Variants in WWOX observed in about 807,000 individuals in gnomAD.
WWOX encodes WW domain containing oxidoreductase.
Under a neutral mutation model 46.2 loss-of-function variants are expected in WWOX, and 69 were observed. That is an observed-to-expected ratio of 1.49 (90% CI 1.23 to 1.82). The LOEUF is 1.82. Among genes scored for constraint, WWOX ranks in the 40% most tolerant of loss-of-function variants. The pLI is 0.00. For missense variants in WWOX, 919 were observed against 542.6 expected (o/e 1.69, Z -6.89); for synonymous variants, 359 against 202.6 (o/e 1.77, Z -6.56).
At chr16:78,311,471 C>G (rs1209826728) in intron 5 of WWOX, among the ~76,000 whole-genome samples, 1 of 152,210 alleles carries the variant, frequency 6.6e-6, no homozygotes, top group South Asian at 2.1e-4. Context: ...GAAGCAGACA[C>G]TGATTCCTCT....
At chr16:78,606,075 G>T (rs1390177271) in intron 8 of WWOX, among the ~76,000 whole-genome samples, 1 of 152,164 alleles carries the variant, frequency 6.6e-6, no homozygotes, top group Admixed American at 6.5e-5. Context: ...CCAAATTAAA[G>T]ACACTGTTCA....
chr16:79,095,333 C>G (rs73575148), intron 8 of WWOX, among the ~76,000 whole-genome samples: 269 of 152,284 alleles, frequency 1.8e-3, no homozygotes, highest in African/African-American at 5.7e-3. Flanking sequence ...TCAGGCATTT[C>G]CTTATTACCT....
intron 4 of WWOX, chr16:78,145,948 C>G (rs2034184136): frequency 6.6e-6 from 1 of 152,194 alleles, no homozygotes; most frequent in Non-Finnish European, 1.5e-5. Context: ...GATTCCTGAT[C>G]TGTTTCTCTT....
intron 5 of WWOX, among the ~76,000 whole-genome samples, chr16:78,217,780 T>A (rs2036770586): frequency 1.3e-5 from 2 of 152,086 alleles, no homozygotes; most frequent in African/African-American, 4.8e-5. Flanking sequence ...TAGGGATAAA[T>A]AATTCTGTGT....
At chr16:78,911,783 T>C (rs534806379) in intron 8 of WWOX, among the ~76,000 whole-genome samples, 2 of 152,154 alleles carry the variant, frequency 1.3e-5, no homozygotes, top group South Asian at 2.1e-4. Flanking sequence ...GGAGAATCAC[T>C]TGAACCCGGG....
At chr16:78,939,350 A>G (rs7203590) in intron 8 of WWOX, among the ~76,000 whole-genome samples, 98,429 of 152,084 alleles carry the variant, frequency 0.65, 31,992 homozygotes, top group Middle Eastern at 0.68. Flanking sequence ...ATGATGCCCA[A>G]TGACTCTACA....
At chr16:78,613,042 T>A (rs1288963043) in intron 8 of WWOX, among the ~76,000 whole-genome samples, 1 of 152,086 alleles carries the variant, frequency 6.6e-6, no homozygotes, top group African/African-American at 2.4e-5. Context: ...CCCCAAGAGG[T>A]GCCTCTTGAG....
chr16:78,923,168 A>C (rs2045418914), intron 8 of WWOX, among the ~76,000 whole-genome samples: 1 of 151,628 alleles, frequency 6.6e-6, no homozygotes, highest in African/African-American at 2.4e-5. Flanking sequence ...TTTAGTAGAG[A>C]CGGGGTTTCT....
chr16:78,962,478 A>G (rs2046290066), intron 8 of WWOX, among the ~76,000 whole-genome samples: 1 of 152,092 alleles, frequency 6.6e-6, no homozygotes, highest in African/African-American at 2.4e-5. Flanking sequence ...ATTTTCTAAG[A>G]AAGTGAGATT....
chr16:78,272,130 T>C (rs2079488512), intron 5 of WWOX, among the ~76,000 whole-genome samples: 1 of 152,210 alleles, frequency 6.6e-6, no homozygotes. Context: ...TTTTGTTTTA[T>C]CTTGTGATTT....
chr16:78,413,086 G>C (rs1397466885), intron 6 of WWOX, among the ~76,000 whole-genome samples: 2 of 152,178 alleles, frequency 1.3e-5, no homozygotes, highest in Admixed American at 1.3e-4. Context: ...CTGCTAGCTG[G>C]ACAGAGCTGA....
Position 78,557,689 on chromosome 16 carries a change from A to ATTTTTTTTTTTTTTTTTTTT in WWOX, c.1056+124941_1056+124960dup, listed in dbSNP as rs34068363. ...CATAAGTGCATTCCTCTAGGGAAGG[A>ATTTTTTTTTTTTTTTTTTTT]TTTTTTTTTTTTTTTTTTTTTTTGA... On this transcript the variant is annotated intron_variant, in intron 8 of 8. Transcript: ENST00000566780. Among the ~76,000 whole-genome samples the ATTTTTTTTTTTTTTTTTTTT allele has an allele frequency of 2.5e-4, 24 of 96,626 alleles. 5 individuals carry two copies. The highest frequency in any genetic ancestry group is 8.9e-4 in the African/African-American group (17 of 19,196). The allele number at this position is 96,626 out of a possible 152,430, so 63.4% of individuals were successfully genotyped here.
chr16:78,174,999 T>TAATAATAAC (rs2035286903), intron 5 of WWOX, among the ~76,000 whole-genome samples: 1 of 2,970 alleles, frequency 3.4e-4, no homozygotes, highest in Admixed American at 9.4e-3. Flanking sequence ...AAAATAATAG[T>TAATAATAAC]AATAATAATA....
intron 8 of WWOX, among the ~76,000 whole-genome samples, chr16:78,457,833 C>A (rs62034104): frequency 2.0e-5 from 3 of 149,856 alleles, no homozygotes; most frequent in South Asian, 4.2e-4. Context: ...GGAGAATGGC[C>A]TGATCCCGGG....
intron 8 of WWOX, among the ~76,000 whole-genome samples, chr16:78,507,408 G>C (rs573082588): frequency 1.3e-5 from 2 of 152,286 alleles, no homozygotes; most frequent in South Asian, 4.1e-4. Flanking sequence ...AGAAGTGATA[G>C]AATATTCTAG....
rs1288191846 is a variant in WWOX, at chr16:78,099,757, C to G, written c.-22C>G. 6.5e-7 allele frequency: 1 copy of G among 1,528,354 alleles called. No individual in the cohort carries two copies. The highest frequency in any genetic ancestry group is 1.4e-5 in the African/African-American group (1 of 71,412). 94.7% of individuals were successfully genotyped at this position (1,528,354 alleles called of 1,614,324 possible). On this transcript the variant is annotated 5_prime_UTR_variant, in exon 1 of 9. Transcript: ENST00000566780. ...GACCCGGCAGCGGGCGATAGGGGGG[C>G]CAGGTGCCTCCACAGTCAGCCATGG...
At chr16:78,837,343 A>C (rs1178783420) in intron 8 of WWOX, among the ~76,000 whole-genome samples, 1 of 152,176 alleles carries the variant, frequency 6.6e-6, no homozygotes, top group Non-Finnish European at 1.5e-5. Context: ...TTTATTCCCT[A>C]ACCCTCACCC....
At chr16:78,879,547 C>G (rs529912985) in intron 8 of WWOX, among the ~76,000 whole-genome samples, 13 of 152,140 alleles carry the variant, frequency 8.5e-5, no homozygotes, top group African/African-American at 2.9e-4. Context: ...ACCACCAAAT[C>G]TGATTTCCAT....
intron 8 of WWOX, among the ~76,000 whole-genome samples, chr16:78,829,673 G>A (rs1294349114): frequency 6.6e-6 from 1 of 152,082 alleles, no homozygotes; most frequent in African/African-American, 2.4e-5. Flanking sequence ...ATTTTAGAAA[G>A]TCATGTCTCA....
Sources: gnomAD v4.1 joint callset for allele counts (sites outside exome capture counted in the v4.1 genomes callset) on GRCh38, gnomAD v4.1.1 for gene constraint, MANE v1.5 for transcripts, NCBI Gene and HGNC (gene_info 2026-07-23, HGNC 2026-07-21) for gene names.